GRIP1: variants seen among roughly 807,000 people sequenced by gnomAD.
GRIP1 encodes glutamate receptor interacting protein 1.
A neutral mutation model predicts 129.9 loss-of-function variants in GRIP1; 45 were observed. That is an observed-to-expected ratio of 0.35 (90% CI 0.27 to 0.44). The LOEUF is 0.44. GRIP1 is among the 20% of genes least tolerant of loss of function. The pLI is 1.00. For synonymous variants in GRIP1, 530 were observed against 520.8 expected (o/e 1.02, Z -0.24); for missense variants, 1,196 against 1,396.8 (o/e 0.86, Z 2.29).
At chr12:66,912,034 T>A (rs1459451317) in intron 1 of GRIP1, among the ~76,000 whole-genome samples, 8 of 152,246 alleles carry the variant, frequency 5.3e-5, no homozygotes, top group Non-Finnish European at 8.8e-5. Context: ...CATCTCTGGA[T>A]TTCATAGCCA....
intron 7 of GRIP1, among the ~76,000 whole-genome samples, chr12:66,506,347 T>C (rs1390645791): frequency 6.6e-6 from 1 of 152,174 alleles, no homozygotes; most frequent in Non-Finnish European, 1.5e-5. Flanking sequence ...TGGAATACTA[T>C]AAAACAATGA....
chr12:66,799,777 T>C (rs1018379581), intron 1 of GRIP1, among the ~76,000 whole-genome samples: 4 of 152,148 alleles, frequency 2.6e-5, no homozygotes, highest in Admixed American at 6.6e-5. Flanking sequence ...GAGGGTGTGG[T>C]TACATGAATT....
intron 1 of GRIP1, chr12:66,891,911 ACATAG>A (rs1276449598): frequency 6.6e-6 from 1 of 152,302 alleles, no homozygotes; most frequent in Non-Finnish European, 1.5e-5. Context: ...CTCCAGTGGG[ACATAG>A]CGAGAAATTC....
intron 1 of GRIP1, among the ~76,000 whole-genome samples, chr12:66,922,473 T>G (rs1011419535): frequency 2.0e-5 from 3 of 152,236 alleles, no homozygotes; most frequent in African/African-American, 7.2e-5. Flanking sequence ...TTCCAAATGT[T>G]GGATGTACAA....
At chr12:66,532,307 T>C (rs544544010) in intron 4 of GRIP1, among the ~76,000 whole-genome samples, 1 of 152,298 alleles carries the variant, frequency 6.6e-6, no homozygotes, top group Admixed American at 6.5e-5. Flanking sequence ...CATATGTATG[T>C]ATACACAAAG....
At chr12:66,373,373 G>A (rs557057195) in intron 22 of GRIP1, among the ~76,000 whole-genome samples, 38 of 152,318 alleles carry the variant, frequency 2.5e-4, no homozygotes, top group Admixed American at 9.1e-4. Context: ...ACAGGTGTAA[G>A]TCACCACGCC....
chr12:67,022,392 T>C (rs2042880468), intron 1 of GRIP1, among the ~76,000 whole-genome samples: 2 of 152,352 alleles, frequency 1.3e-5, no homozygotes, highest in Non-Finnish European at 2.9e-5. Context: ...AAGGTTGACA[T>C]TAACATTTAT....
At chr12:66,449,826 C>T (rs554000484) in intron 11 of GRIP1, among the ~76,000 whole-genome samples, 1 of 152,304 alleles carries the variant, frequency 6.6e-6, no homozygotes, top group Admixed American at 6.5e-5. Context: ...TTCCACTTAT[C>T]TTCTAGGTGA....
chr12:66,429,131 A>C (rs771702640), intron 14 of GRIP1, among the ~76,000 whole-genome samples: 2 of 152,204 alleles, frequency 1.3e-5, no homozygotes, highest in Non-Finnish European at 2.9e-5. Flanking sequence ...ACTGTGTCTA[A>C]AATCAGACAG....
At chr12:66,657,117 G>A (rs1430977293) in intron 1 of GRIP1, among the ~76,000 whole-genome samples, 1 of 152,124 alleles carries the variant, frequency 6.6e-6, no homozygotes, top group Non-Finnish European at 1.5e-5. Flanking sequence ...CAGTTATAGG[G>A]AATTAATCAA....
intron 1 of GRIP1, among the ~76,000 whole-genome samples, chr12:66,939,621 A>G (rs2041550761): frequency 6.6e-6 from 1 of 152,156 alleles, no homozygotes; most frequent in African/African-American, 2.4e-5. Context: ...GAAACAGTTC[A>G]TTCAGCATAA....
At position 66,445,496 on chromosome 12, in the gene GRIP1, G is replaced by C. The variant is rs746753598; in HGVS notation, c.1367C>G (p.Ser456Cys). ...CTGCCCAGCCAATCCTACTGTGCTG[G>C]AGGCTAAGGACACTAGAGGAACAAA... is the stretch of plus-strand genomic sequence containing the variant. Reference protein sequence around the residue: ...KDFKSSLSLASSTVGLAGQVV... With the variant: ...KDFKSSLSLACSTVGLAGQVV... Residue 456 changes from serine (S) to cysteine (C), a missense_variant, in exon 12 of 25, where the codon TCC (serine) becomes TGC (cysteine). Ser to Cys is a moderately radical substitution (Grantham distance 112). Coordinates refer to ENST00000359742, the MANE Select transcript of GRIP1 (RefSeq NM_001366722.1). 1.2e-6 allele frequency: 2 copies of C among 1,612,926 alleles called. No individual in the cohort carries two copies. The highest frequency in any genetic ancestry group is 1.3e-5 in the African/African-American group (1 of 74,844).
chr12:66,839,981 A>T (rs1004320579), intron 1 of GRIP1, among the ~76,000 whole-genome samples: 4 of 152,194 alleles, frequency 2.6e-5, no homozygotes, highest in Admixed American at 2.0e-4. Context: ...TTGCAAATTC[A>T]ATAATTTAAT....
In GRIP1 at chr12:66,822,664, T is replaced by C. The variant is rs1289559897; in HGVS notation, c.59-225737A>G. Among the ~76,000 whole-genome samples, 8 of 152,146 alleles carry C rather than the reference T, an allele frequency of 5.3e-5. No homozygotes were observed. In the East Asian group the frequency reaches 1.5e-3, roughly 29 times the overall value. ...GGTACCTATACACCATGGAATACTA[T>C]GCAGCCATAAAAAAACCAAAATGAT... On this transcript the variant is annotated intron_variant, in intron 1 of 1. Coordinates refer to the GRIP1 transcript ENST00000643019.
rs752309916 is a variant in GRIP1, at chr12:66,377,191, T to C, written c.2716A>G (p.Ile906Val). ...EDLETCGQSG[I>V]LRELEEKADR... ...AAGGCTACCTCCAGTTCTCTCAGAA[T>C]TCCTGACTGTCCGCAGGTTTCCAAA... is the stretch of plus-strand genomic sequence containing the variant. Residue 906 changes from isoleucine to valine, a missense_variant, in exon 21 of 25, where the codon ATT becomes GTT. Transcript: ENST00000359742. 6.2e-7 allele frequency: 1 copy of C among 1,610,956 alleles called. No homozygotes were observed. Among genetic ancestry groups the C allele is most frequent in the Non-Finnish European group, 8.5e-7 (1 of 1,177,122 alleles).
chr12:66,874,009 G>T (rs1313645492), intron 1 of GRIP1, among the ~76,000 whole-genome samples: 2 of 152,002 alleles, frequency 1.3e-5, no homozygotes, highest in African/African-American at 4.8e-5. Context: ...GCTACAAAGG[G>T]TCTCTTAAGA....
At chr12:66,551,571 C>CTT (rs10719369) in intron 2 of GRIP1, among the ~76,000 whole-genome samples, 2,325 of 114,390 alleles carry the variant, frequency 0.02, 78 homozygotes, top group African/African-American at 0.037. Context: ...GGCTAGAATC[C>CTT]TTTTTTTTTT....
upstream of GRIP1, among the ~76,000 whole-genome samples, chr12:66,680,678 G>C (rs1337007347): frequency 6.6e-6 from 1 of 152,060 alleles, no homozygotes; most frequent in Non-Finnish European, 1.5e-5. Flanking sequence ...CTAGAGAACT[G>C]AGTTACTAGC....
At chr12:66,864,184 T>C (rs1252262) in intron 1 of GRIP1, among the ~76,000 whole-genome samples, 41,881 of 150,260 alleles carry the variant, frequency 0.28, 6,474 homozygotes, top group Non-Finnish European at 0.34. Context: ...TGATACTCAA[T>C]TTTTTTTCTC....
Sources: allele counts gnomAD v4.1 joint callset (sites outside exome capture counted in the v4.1 genomes callset), GRCh38; gene constraint gnomAD v4.1.1; transcripts MANE v1.5; gene names NCBI Gene and HGNC (gene_info 2026-07-23, HGNC 2026-07-21).